The following SNX29 variants were observed in gnomAD, a reference collection of about 807,000 sequenced individuals.
SNX29 encodes sorting nexin 29.
SNX29 carries 78 observed loss-of-function variants against 102.1 expected under a neutral mutation model. The observed-to-expected ratio is 0.76, with a 90% CI of 0.64 to 0.92. SNX29 has a LOEUF of 0.92. Ranked by LOEUF, SNX29 falls within the 40% of genes least tolerant of loss-of-function variation. SNX29 has a pLI of 0.00. For missense variants in SNX29, 1,280 were observed against 1,061.7 expected (o/e 1.21, Z -2.86); for synonymous variants, 580 against 414.5 (o/e 1.40, Z -4.85).
At chr16:12,121,567 C>T (rs77030134) in intron 11 of SNX29, among the ~76,000 whole-genome samples, 2 of 152,192 alleles carry the variant, frequency 1.3e-5, no homozygotes, top group Admixed American at 6.5e-5. Context: ...TCTGTAGTAG[C>T]GCTTGACATT....
chr16:12,456,683 T>C (rs1003064906), intron 18 of SNX29, among the ~76,000 whole-genome samples: 5 of 152,078 alleles, frequency 3.3e-5, no homozygotes, highest in Admixed American at 1.3e-4. Context: ...TGATAGTGTG[T>C]GCACCCGGTA....
intron 11 of SNX29, among the ~76,000 whole-genome samples, chr16:12,091,039 G>C (rs193251): frequency 9.0e-6 from 1 of 111,180 alleles, no homozygotes; most frequent in African/African-American, 3.7e-5. Context: ...AAAAAAAAAA[G>C]AAAGAAAAAG....
chr16:12,282,111 C>T (rs1185135066), intron 15 of SNX29, among the ~76,000 whole-genome samples: 3 of 132,230 alleles, frequency 2.3e-5, no homozygotes, highest in Admixed American at 7.8e-5. Context: ...AAAAAAAATG[C>T]AGAGCTGGAT....
intron 18 of SNX29, among the ~76,000 whole-genome samples, chr16:12,408,181 A>AAAAAAAAAAAC (rs1567533282): frequency 2.7e-5 from 4 of 148,752 alleles, no homozygotes; most frequent in African/African-American, 1.0e-4. Context: ...AACAAACAAA[A>AAAAAAAAAAAC]AAAAAACTAG....
At chr16:12,109,578 A>T (rs934918121) in intron 11 of SNX29, among the ~76,000 whole-genome samples, 2 of 152,110 alleles carry the variant, frequency 1.3e-5, no homozygotes, top group African/African-American at 4.8e-5. Flanking sequence ...CACTAGTCCT[A>T]ATTGTCTACA....
rs2076952083 is a variant in SNX29 at position 12,532,266 on chromosome 16, T to C, written c.2318+7425T>C. 2.0e-5 allele frequency among the ~76,000 whole-genome samples: 3 copies of C among 152,212 alleles called. No homozygotes were observed. The South Asian group carries it at 6.2e-4, about 32-fold the overall frequency. On this transcript the variant is annotated intron_variant, in intron 20 of 20. Transcript: ENST00000566228. ...GTGGCATTCCAAGAAGTAAAAAGTT[T>C]TGGAAGCACAATAAGTCCTTAAATT...
chr16:12,232,156 G>C (rs2077788933), intron 14 of SNX29, among the ~76,000 whole-genome samples: 1 of 152,180 alleles, frequency 6.6e-6, no homozygotes. Flanking sequence ...CTTCAAGTCT[G>C]TTTGAGGATA....
At chr16:12,325,344 A>G (rs1023846833) in intron 15 of SNX29, among the ~76,000 whole-genome samples, 1 of 152,238 alleles carries the variant, frequency 6.6e-6, no homozygotes, top group Non-Finnish European at 1.5e-5. Flanking sequence ...TGAAAAGCCA[A>G]TGCCAGGTAG....
intron 11 of SNX29, among the ~76,000 whole-genome samples, chr16:12,125,936 C>G (rs2054196917): frequency 6.6e-6 from 1 of 152,282 alleles, no homozygotes; most frequent in Admixed American, 6.5e-5. Flanking sequence ...GCCCAGAACC[C>G]AGATACCTGC....
intron 19 of SNX29, among the ~76,000 whole-genome samples, chr16:12,518,389 CCTT>C (rs1567645742): frequency 6.6e-6 from 1 of 152,192 alleles, no homozygotes; most frequent in African/African-American, 2.4e-5. Flanking sequence ...AAGCCAAGCT[CCTT>C]CTGCCTGGGG....
chr16:12,141,035 A>G (rs2054850515), intron 13 of SNX29, among the ~76,000 whole-genome samples: 1 of 152,252 alleles, frequency 6.6e-6, no homozygotes, highest in African/African-American at 2.4e-5. Context: ...CTGTGCTAGA[A>G]AACATGCTGA....
intron 20 of SNX29, among the ~76,000 whole-genome samples, chr16:12,553,259 C>T (rs920130704): frequency 6.6e-6 from 1 of 152,226 alleles, no homozygotes; most frequent in Admixed American, 6.5e-5. Context: ...TGTACAAGAC[C>T]ACTGCCGCCT....
At chr16:12,161,711 A>G (rs561713618) in intron 13 of SNX29, among the ~76,000 whole-genome samples, 6 of 152,104 alleles carry the variant, frequency 3.9e-5, no homozygotes, top group Non-Finnish European at 5.9e-5. Flanking sequence ...TTCTTGCTCT[A>G]TTAGTTAATG....
At chr16:12,486,322 C>T (rs1043364445) in intron 19 of SNX29, among the ~76,000 whole-genome samples, 12 of 152,202 alleles carry the variant, frequency 7.9e-5, no homozygotes, top group African/African-American at 2.9e-4. Context: ...ATTTCACCTC[C>T]TCTGCAGTGG....
chr16:12,554,404 G>A (rs373353183), intron 20 of SNX29, among the ~76,000 whole-genome samples: 25 of 152,168 alleles, frequency 1.6e-4, no homozygotes, highest in African/African-American at 2.9e-4. Flanking sequence ...GGTGTGCATC[G>A]TCTTCTGTAA....
At chr16:12,477,409 T>C (rs2087706785) in intron 18 of SNX29, among the ~76,000 whole-genome samples, 1 of 152,224 alleles carries the variant, frequency 6.6e-6, no homozygotes, top group Non-Finnish European at 1.5e-5. Context: ...AGTGCTGCAA[T>C]ACACACATGA....
At position 12,568,966 on chromosome 16, in the gene SNX29, G is replaced by T. The variant is rs141249525; in HGVS notation, c.*337G>T. The T allele has an allele frequency of 3.4e-3, 1,231 of 364,292 alleles. 16 individuals carry two copies. The highest frequency in any genetic ancestry group is 0.023 in the African/African-American group (1,118 of 48,854). 22.6% of individuals were successfully genotyped at this position (364,292 alleles called of 1,614,324 possible). On this transcript the variant is annotated 3_prime_UTR_variant, in exon 21 of 21. Coordinates refer to ENST00000566228, the MANE Select transcript of SNX29 (RefSeq NM_032167.5). Reference sequence around the variant, plus strand: ...GTGGGCACCAGGTCAGGCTGGGTGCGCCATGGTTGAGAGGCAAAGGTGATC... The same window carrying T: ...GTGGGCACCAGGTCAGGCTGGGTGCTCCATGGTTGAGAGGCAAAGGTGATC...
At chr16:12,222,882 T>A (rs1354203719) in intron 14 of SNX29, among the ~76,000 whole-genome samples, 1 of 152,158 alleles carries the variant, frequency 6.6e-6, no homozygotes, top group Non-Finnish European at 1.5e-5. Context: ...AGAGTGCTGT[T>A]TTCATTTGGA....
rs1195503064 is a variant in SNX29, at chr16:12,566,740, C to T, written c.2319-1766C>T. ...AAGAGAGGATCATGTTTGCTTTGGG[C>T]CTGCAGCCAGACACCCACCTAAAGG... is the stretch of plus-strand genomic sequence containing the variant. On this transcript the variant is annotated intron_variant, in intron 20 of 20. Transcript: ENST00000566228. Among the ~76,000 whole-genome samples, 5 of 152,148 alleles carry T rather than the reference C, an allele frequency of 3.3e-5. No homozygotes were observed. The South Asian group carries it at 8.3e-4, about 25-fold the overall frequency.
Sources: allele counts gnomAD v4.1 joint callset (sites outside exome capture counted in the v4.1 genomes callset), GRCh38; gene constraint gnomAD v4.1.1; transcripts MANE v1.5; gene names NCBI Gene and HGNC (gene_info 2026-07-23, HGNC 2026-07-21).